Variants in SCN8A observed in about 807,000 individuals in gnomAD.
The protein encoded by SCN8A is sodium voltage-gated channel alpha subunit 8.
A neutral mutation model predicts 184.1 loss-of-function variants in SCN8A; 30 were observed. The ratio of observed to expected loss-of-function variants is 0.16; its 90% CI spans 0.12 to 0.22. The LOEUF is 0.22. Ranked by LOEUF, SCN8A falls within the 10% of genes least tolerant of loss-of-function variation. The pLI, the probability that SCN8A is intolerant of heterozygous loss-of-function variation, is 1.00. For synonymous variants in SCN8A, 852 were observed against 907.0 expected (o/e 0.94, Z 1.09); for missense variants, 1,057 against 2,498.9 (o/e 0.42, Z 12.30).
rs115961229 is a variant in SCN8A at position 51,726,907 on chromosome 12, G to A, written c.1998+4999G>A. Among the ~76,000 whole-genome samples, 675 of 152,284 alleles carry A rather than the reference G, an allele frequency of 4.4e-3. 6 individuals carry two copies. The highest frequency in any genetic ancestry group is 0.015 in the African/African-American group (629 of 41,570). The stretch of plus-strand genomic sequence containing the variant: ...TTAAAGCAAAACACTATGCAAATTT[G>A]AGAAAGGCTTGGGAAGGGGATTATG... On this transcript the variant is annotated intron_variant, in intron 12 of 26. Coordinates refer to ENST00000627620, the MANE Select transcript of SCN8A (RefSeq NM_001330260.2).
intron 12 of SCN8A, among the ~76,000 whole-genome samples, chr12:51,736,245 G>A (rs1942324040): frequency 6.6e-6 from 1 of 152,164 alleles, no homozygotes; most frequent in Non-Finnish European, 1.5e-5. Flanking sequence ...TGTTTTAATA[G>A]AAGCCCATCA....
rs139877944 is a variant in SCN8A, at chr12:51,753,960, A to G, written c.2370+2367A>G. 3.5e-3 allele frequency among the ~76,000 whole-genome samples: 536 copies of G among 152,282 alleles called. 2 individuals carry two copies. The highest frequency in any genetic ancestry group is 0.012 in the African/African-American group (505 of 41,562). On this transcript the variant is annotated intron_variant, in intron 14 of 26. Transcript: ENST00000627620. ...GTGGTTGGAATGTGAGGCTTTTCCT[A>G]TAGCCCTAATTGTGAGTTAAGTTGT...
intron 1 of SCN8A, among the ~76,000 whole-genome samples, chr12:51,641,819 C>G (rs1193316464): frequency 1.3e-5 from 2 of 152,154 alleles, no homozygotes; most frequent in Non-Finnish European, 2.9e-5. Flanking sequence ...TAACTACGAC[C>G]TCATAAGCTA....
chr12:51,631,978 G>A (rs554775241), intron 1 of SCN8A, among the ~76,000 whole-genome samples: 24 of 152,156 alleles, frequency 1.6e-4, no homozygotes, highest in Non-Finnish European at 2.6e-4. Context: ...CCACTCCCCT[G>A]TCTAATATAG....
chr12:51,597,528 A>G (rs1939375470), intron 1 of SCN8A, among the ~76,000 whole-genome samples: 1 of 152,178 alleles, frequency 6.6e-6, no homozygotes, highest in Admixed American at 6.5e-5. Context: ...CACTTAACTG[A>G]TCATTAGCAT....
In SCN8A at chr12:51,765,706, C is replaced by T; in HGVS notation, c.2580C>T (p.Thr860=). 2 of 1,608,998 alleles carry T rather than the reference C, an allele frequency of 1.2e-6. No individual in the cohort carries two copies. The highest frequency in any genetic ancestry group is 1.7e-6 in the Non-Finnish European group (2 of 1,176,564). ...RVFKLAKSWP[T]LNMLIKIIGN... is the part of the protein sequence containing the mutation. ...TCAAATTGGCCAAATCCTGGCCCAC[C>T]CTGAACATGCTAATCAAGATTATTG... Residue 860 remains threonine, a synonymous_variant, in exon 16 of 27, where the codon ACC becomes ACT. Coordinates refer to ENST00000627620, the MANE Select transcript of SCN8A (RefSeq NM_001330260.2).
chr12:51,762,738 C>A, intron 15 of SCN8A, 62 bp downstream of exon 15: 1 of 1,376,474 alleles, frequency 7.3e-7, no homozygotes, highest in South Asian at 1.5e-5. Context: ...AGAAAGAGTT[C>A]TGCATAAATT....
At chr12:51,757,890 GGA>G (rs1446054360) in intron 14 of SCN8A, among the ~76,000 whole-genome samples, 2 of 152,008 alleles carry the variant, frequency 1.3e-5, no homozygotes, top group African/African-American at 4.8e-5. Context: ...AATATTCTGA[GGA>G]GATCAGGACT....
intron 1 of SCN8A, among the ~76,000 whole-genome samples, chr12:51,652,074 C>T (rs1371083114): frequency 1.3e-5 from 2 of 151,980 alleles, no homozygotes; most frequent in African/African-American, 2.4e-5. Flanking sequence ...ATATCCTTGC[C>T]TATATGATGC....
intron 1 of SCN8A, among the ~76,000 whole-genome samples, chr12:51,615,604 G>C (rs1435085019): frequency 1.2e-5 from 1 of 80,098 alleles, no homozygotes; most frequent in African/African-American, 5.2e-5. Context: ...TCTCTTTACT[G>C]TCTCCCTTTT....
chr12:51,689,299 T>C, intron 6 of SCN8A: 1 of 565,462 alleles, frequency 1.8e-6, no homozygotes, highest in Non-Finnish European at 3.2e-6. Flanking sequence ...CAGCCCCCAT[T>C]CCATCCATGC....
intron 26 of SCN8A, among the ~76,000 whole-genome samples, chr12:51,803,424 A>AATC (rs1440137767): frequency 1.3e-5 from 2 of 152,036 alleles, no homozygotes; most frequent in Non-Finnish European, 2.9e-5. Context: ...CTCAAATGTT[A>AATC]ATCTCCTCTG....
chr12:51,712,067 A>G (rs1941887084), intron 11 of SCN8A, among the ~76,000 whole-genome samples: 1 of 152,246 alleles, frequency 6.6e-6, no homozygotes, highest in Non-Finnish European at 1.5e-5. Context: ...AAACTGAACT[A>G]CATAAATATT....
intron 1 of SCN8A, among the ~76,000 whole-genome samples, chr12:51,603,090 A>G (rs1304230551): frequency 1.3e-5 from 2 of 152,198 alleles, no homozygotes; most frequent in African/African-American, 2.4e-5. Context: ...ACACATGTAT[A>G]GGTTCATGTA....
intron 1 of SCN8A, among the ~76,000 whole-genome samples, chr12:51,654,476 C>T (rs1277871446): frequency 2.0e-5 from 3 of 151,998 alleles, no homozygotes; most frequent in Admixed American, 6.5e-5. Context: ...GTCTTGGTTC[C>T]CTTGTCAAAA....
chr12:51,646,021 AAAAAG>A (rs1044384256), intron 1 of SCN8A, among the ~76,000 whole-genome samples: 1 of 150,020 alleles, frequency 6.7e-6, no homozygotes, highest in Non-Finnish European at 1.5e-5. Flanking sequence ...AAAAAAAAAA[AAAAAG>A]ACCTACTTCA....
At chr12:51,723,779 G>A (rs1020306900) in intron 12 of SCN8A, among the ~76,000 whole-genome samples, 6 of 151,880 alleles carry the variant, frequency 4.0e-5, no homozygotes, top group Non-Finnish European at 7.4e-5. Context: ...ACCTGGGACA[G>A]GGAGGTTGCA....
At chr12:51,707,320 A>G (rs1044359337) in intron 11 of SCN8A, among the ~76,000 whole-genome samples, 1 of 152,114 alleles carries the variant, frequency 6.6e-6, no homozygotes, top group African/African-American at 2.4e-5. Flanking sequence ...ATATAAATAT[A>G]TAAAGGGGAG....
chr12:51,791,877 C>G (rs192294353), intron 25 of SCN8A, among the ~76,000 whole-genome samples: 1 of 151,786 alleles, frequency 6.6e-6, no homozygotes, highest in East Asian at 1.9e-4. Context: ...GACCCTGTCT[C>G]AAAAAATACA....
Sources: allele counts gnomAD v4.1 joint callset (sites outside exome capture counted in the v4.1 genomes callset), GRCh38; gene constraint gnomAD v4.1.1; transcripts MANE v1.5; gene names NCBI Gene and HGNC (gene_info 2026-07-23, HGNC 2026-07-21).